The following CYP1A1 variants were observed in gnomAD, a reference collection of about 807,000 sequenced individuals.
CYP1A1 encodes the protein cytochrome P450 family 1 subfamily A member 1, also known as cytochrome P450 1A1.
In CYP1A1, 43 loss-of-function variants were observed where a neutral mutation model predicts 33.6. The observed-to-expected ratio is 1.28, with a 90% CI of 1.00 to 1.65. CYP1A1 has a LOEUF of 1.65. Among genes scored for constraint, CYP1A1 ranks in the 40% most tolerant of loss-of-function variants. CYP1A1 has a pLI of 0.00. For synonymous variants in CYP1A1, 280 were observed against 257.8 expected (o/e 1.09, Z -0.83); for missense variants, 637 against 653.7 (o/e 0.97, Z 0.28).
At chr15:74,721,927 C>T (rs1159724093) in intron 2 of CYP1A1, 3 of 621,590 alleles carry the variant, frequency 4.8e-6, no homozygotes, top group South Asian at 2.0e-5. Context: ...TGACACACAG[C>T]GTCTTGTACT....
At chr15:74,724,095 T>C (rs972148859) in intron 1 of CYP1A1, among the ~76,000 whole-genome samples, 6 of 152,204 alleles carry the variant, frequency 3.9e-5, no homozygotes, top group South Asian at 2.1e-4. Context: ...GTCAGAGAAA[T>C]CCAGGCCAGG....
In CYP1A1 at chr15:74,720,409, G is replaced by C. The variant is rs1451218902; in HGVS notation, c.*80C>G. 2.1e-6 allele frequency: 3 copies of C among 1,457,914 alleles called. No homozygotes were observed. Among genetic ancestry groups the C allele is most frequent in the African/African-American group, 2.8e-5 (2 of 70,520 alleles). The allele number at this position is 1,457,914 out of a possible 1,614,324, so 90.3% of individuals were successfully genotyped here. ...TCTATGAGTTTCAGGCTGAACCTTA[G>C]ACCACATAGGCCAGCCTGCTGGTCT... On this transcript the variant is annotated 3_prime_UTR_variant, in exon 7 of 7. Transcript: ENST00000379727.
At chr15:74,722,065 G>A (rs2063174558) in intron 2 of CYP1A1, 2 of 602,762 alleles carry the variant, frequency 3.3e-6, no homozygotes, top group Non-Finnish European at 5.8e-6. Flanking sequence ...AGTGGCTATT[G>A]CTGTCTGTGG....
intron 2 of CYP1A1, 40 bp from the exon 3 acceptor site, chr15:74,721,757 C>G (rs2063172541): frequency 6.2e-7 from 1 of 1,604,956 alleles, no homozygotes; most frequent in South Asian, 1.1e-5. Flanking sequence ...AGATCTCAAA[C>G]CCAGAGCTAC....
At position 74,723,034 on chromosome 15, in the gene CYP1A1, C is replaced by T; in HGVS notation, c.64G>A (p.Val22Ile). ...CTTGAGGCCCTGATTACCCAGAATA[C>T]CAGACAGAAGATGACAGAGGCCAGA... ...FLLASVIFCLVFWVIRASRPQ... is the reference protein window; with the variant it reads ...FLLASVIFCLIFWVIRASRPQ... Residue 22 changes from valine to isoleucine, a missense_variant, in exon 2 of 7, where the codon GTA (valine) becomes ATA (isoleucine). Transcript: ENST00000379727. 1 of 1,611,996 alleles carries T rather than the reference C, an allele frequency of 6.2e-7. No individual in the cohort carries two copies. Among genetic ancestry groups the T allele is most frequent in the Non-Finnish European group, 8.5e-7 (1 of 1,178,756 alleles).
In CYP1A1 at chr15:74,722,373, T is replaced by C. The variant is rs2063177814; in HGVS notation, c.725A>G (p.Tyr242Cys). Residue 242 changes from tyrosine (Y) to cysteine (C), a missense_variant, in exon 2 of 7, where the codon TAC becomes TGC. Physicochemically the swap from Tyr to Cys is radical, Grantham distance 194. Coordinates refer to ENST00000379727, the MANE Select transcript of CYP1A1 (RefSeq NM_001319217.2). ...NPADFIPILR[Y>C]LPNPSLNAFK... ...GGCATTCAGGGAAGGGTTGGGTAGGTAGCGAAGAATAGGGATGAAGTCAGC... is the reference window on the plus strand; with the variant it reads ...GGCATTCAGGGAAGGGTTGGGTAGGCAGCGAAGAATAGGGATGAAGTCAGC... The C allele has an allele frequency of 3.1e-6, 5 of 1,614,058 alleles. No homozygotes were observed. The highest frequency in any genetic ancestry group is 4.2e-6 in the Non-Finnish European group (5 of 1,180,014).
chr15:74,721,167 T>C, intron 5 of CYP1A1, 32 bp downstream of exon 5: 1 of 1,608,974 alleles, frequency 6.2e-7, no homozygotes, highest in Non-Finnish European at 8.5e-7. Context: ...GTAAGATCAG[T>C]AACAGACAGC....
rs2141717729 is a variant in CYP1A1, at chr15:74,722,890, A to T, written c.208T>A (p.Tyr70Asn). 1 of 1,614,008 alleles carries T rather than the reference A, an allele frequency of 6.2e-7. No homozygotes were observed. The highest frequency in any genetic ancestry group is 8.5e-7 in the Non-Finnish European group (1 of 1,180,004). The change falls in exon 2 of 7, where the codon TAT becomes AAT. Residue 70 changes from tyrosine (Y) to asparagine (N), a missense_variant. Coordinates refer to ENST00000379727, the MANE Select transcript of CYP1A1 (RefSeq NM_001319217.2). ...HLALSRMSQQ[Y>N]GDVLQIRIGS... is the part of the protein sequence containing the mutation. Reference sequence around the variant, plus strand: ...ATTCGGATCTGCAGCACGTCCCCATACTGCTGGCTCATCCTTGACAGTGCC... The same window carrying T: ...ATTCGGATCTGCAGCACGTCCCCATTCTGCTGGCTCATCCTTGACAGTGCC...
At chr15:74,720,933 G>A (rs779536880) in intron 6 of CYP1A1, 34 bp downstream of exon 6, 42 of 1,604,094 alleles carry the variant, frequency 2.6e-5, no homozygotes, top group Non-Finnish European at 3.4e-5. Flanking sequence ...TTAAGAGGGT[G>A]GACCCAGCCT....
rs1471261242 is a variant in CYP1A1 at position 74,722,689 on chromosome 15, G to A, written c.409C>T (p.Leu137=). 1 of 1,613,532 alleles carries A rather than the reference G, an allele frequency of 6.2e-7. No individual in the cohort carries two copies. ...AAACTTTTCAGGCCATTCTGGGCCA[G>A]GCGCCGGCGGGCAGCCCACACTGGT... The part of the protein sequence containing the change: ...SGPVWAARRR[L]AQNGLKSFSI... The change falls in exon 2 of 7, where the codon CTG becomes TTG. Residue 137 remains leucine, a synonymous_variant. Transcript: ENST00000379727.
In CYP1A1 at chr15:74,721,676, A is replaced by T. The variant is rs1056775144; in HGVS notation, c.867T>A (p.Cys289Ter). Residue 289 changes from cysteine (C) to a stop codon, truncating the protein, a stop_gained, in exon 3 of 7, where the codon TGT becomes TGA. Transcript: ENST00000379727. LOFTEE classifies it high-confidence loss of function. ...RDITDSLIEH[C>*]QEKQLDENAN... is the part of the protein sequence containing the mutation. ...CGTTCTCATCCAGCTGCTTCTCCTGACAGTGCTCAATCAGGCTGTCTGTGA... is the reference window on the plus strand; with the variant it reads ...CGTTCTCATCCAGCTGCTTCTCCTGTCAGTGCTCAATCAGGCTGTCTGTGA... 6.2e-7 allele frequency: 1 copy of T among 1,614,156 alleles called. No homozygotes were observed. Among genetic ancestry groups the T allele is most frequent in the Non-Finnish European group, 8.5e-7 (1 of 1,180,022 alleles).
chr15:74,724,484 C>T (rs1309845984), intron 1 of CYP1A1, among the ~76,000 whole-genome samples: 1 of 151,590 alleles, frequency 6.6e-6, no homozygotes, highest in Non-Finnish European at 1.5e-5. Context: ...GTTCAGAGTA[C>T]CCAGCTGGAT....
At chr15:74,721,118 T>C in intron 5 of CYP1A1, 65 bp from the exon 6 acceptor site, 2 of 1,610,430 alleles carry the variant, frequency 1.2e-6, no homozygotes, top group South Asian at 2.2e-5. Context: ...TCCCATGCCG[T>C]GTCCCTCCCA....
In CYP1A1 at chr15:74,722,588, C is replaced by G. The variant is rs1374345267; in HGVS notation, c.510G>C (p.Leu170=). The change falls in exon 2 of 7, where the codon CTG becomes CTC. Residue 170 remains leucine, a synonymous_variant. Transcript: ENST00000379727. ...CCATCAGCTCCTGCAACGTGCTTAT[C>G]AGGACCTCAGCCTCCTTGCTCACAT... ...EEHVSKEAEV[L]ISTLQELMAG... is the part of the protein sequence containing the mutation. 6.2e-7 allele frequency: 1 copy of G among 1,614,154 alleles called. No homozygotes were observed. The highest frequency in any genetic ancestry group is 1.1e-5 in the South Asian group (1 of 91,086).
chr15:74,721,528 T>C, intron 3 of CYP1A1, 25 bp from the exon 4 acceptor site: 1 of 1,614,042 alleles, frequency 6.2e-7, no homozygotes. Flanking sequence ...ACAGAAGAAG[T>C]TAGGCAGGCA....
At chr15:74,720,883 G>C (rs28399428) in intron 6 of CYP1A1, 84 bp downstream of exon 6, 1 of 1,560,430 alleles carries the variant, frequency 6.4e-7, no homozygotes, top group African/African-American at 1.4e-5. Flanking sequence ...CCATGGACAG[G>C]AGGATCAATG....
At position 74,721,611 on chromosome 15, in the gene CYP1A1, A is replaced by T; in HGVS notation, c.932T>A (p.Val311Asp). 6.2e-7 allele frequency: 1 copy of T among 1,614,000 alleles called. No homozygotes were observed. Among genetic ancestry groups the T allele is most frequent in the Non-Finnish European group, 8.5e-7 (1 of 1,180,014 alleles). ...CATACCAGCTCCAAAGAGGTCCAAG[A>T]CGATGTTAATGATCTTCTCATCTGA... ...QLSDEKIINI[V>D]LDLFGAGFDT... The change falls in exon 3 of 7, where the codon GTC becomes GAC. Residue 311 changes from valine to aspartate, a missense_variant. Val to Asp is a radical substitution (Grantham distance 152, BLOSUM62 -3). Transcript: ENST00000379727.
At chr15:74,722,142 T>A in intron 2 of CYP1A1, 131 bp downstream of exon 2, 1 of 704,276 alleles carries the variant, frequency 1.4e-6, no homozygotes, top group Non-Finnish European at 2.4e-6. Flanking sequence ...ATTCCACAAC[T>A]GGCTTCAAGA....
Position 74,722,615 on chromosome 15 carries a change from C to G in CYP1A1, c.483G>C (p.Glu161Asp). The change falls in exon 2 of 7, where the codon GAG becomes GAC. Residue 161 changes from glutamate (E) to aspartate (D), a missense_variant. Physicochemically the swap from Glu to Asp is conservative, Grantham distance 45. Coordinates refer to ENST00000379727, the MANE Select transcript of CYP1A1 (RefSeq NM_001319217.2). The stretch of plus-strand genomic sequence containing the variant: ...GGACCTCAGCCTCCTTGCTCACATG[C>G]TCTTCCAGGTAGCAGGAGGTTGAGG... Reference protein sequence around the residue: ...PASSTSCYLEEHVSKEAEVLI... With the variant: ...PASSTSCYLEDHVSKEAEVLI... 1 of 1,614,128 alleles carries G rather than the reference C, an allele frequency of 6.2e-7. No individual in the cohort carries two copies. The highest frequency in any genetic ancestry group is 8.5e-7 in the Non-Finnish European group (1 of 1,180,036).
Sources: allele counts gnomAD v4.1 joint callset (sites outside exome capture counted in the v4.1 genomes callset), GRCh38; gene constraint gnomAD v4.1.1; transcripts MANE v1.5; gene names NCBI Gene and HGNC (gene_info 2026-07-23, HGNC 2026-07-21).